The following SV2B variants were observed in gnomAD, a reference collection of about 807,000 sequenced individuals.
SV2B encodes synaptic vesicle glycoprotein 2B, also known as solute carrier family 22 member B2.
In SV2B, 41 loss-of-function variants were observed where a neutral mutation model predicts 73.9. That is an observed-to-expected ratio of 0.56 (90% CI 0.43 to 0.72). SV2B has a LOEUF of 0.72. Among genes scored for constraint, SV2B ranks in the 30% least tolerant of loss-of-function variants. The pLI, the probability that SV2B is intolerant of heterozygous loss-of-function variation, is 0.00. For synonymous variants in SV2B, 314 were observed against 314.2 expected (o/e 1.00, Z 0.01); for missense variants, 764 against 857.8 (o/e 0.89, Z 1.37).
At chr15:91,126,436 T>C (rs2042483951) in intron 1 of SV2B, among the ~76,000 whole-genome samples, 1 of 152,220 alleles carries the variant, frequency 6.6e-6, no homozygotes, top group African/African-American at 2.4e-5. Context: ...CATCTGGAGA[T>C]AATAGTGGGA....
rs536478970 is a variant in SV2B at position 91,141,263 on chromosome 15, C to G, written c.-392+40900C>G. ...ATGTACAGCTTGAGTTGGGAACTGCCGATGCTGAGTTAGAGCTATTCTAGC... is the reference window on the plus strand; with the variant it reads ...ATGTACAGCTTGAGTTGGGAACTGCGGATGCTGAGTTAGAGCTATTCTAGC... On this transcript the variant is annotated intron_variant, in intron 1 of 12. Transcript: ENST00000394232. This position sits in a 1 kb window ranked among gnomAD's most constrained non-coding sequence, Gnocchi z 4.6. Among the ~76,000 whole-genome samples, 3 of 152,118 alleles carry G rather than the reference C, an allele frequency of 2.0e-5. No homozygotes were observed. The highest frequency in any genetic ancestry group is 4.4e-5 in the Non-Finnish European group (3 of 68,030).
At chr15:91,185,366 G>A (rs1347211502) in intron 1 of SV2B, among the ~76,000 whole-genome samples, 1 of 152,220 alleles carries the variant, frequency 6.6e-6, no homozygotes, top group East Asian at 1.9e-4. Flanking sequence ...TTTGCATGTA[G>A]TTATTTTGAC....
At chr15:91,160,714 C>G (rs888819750) in intron 1 of SV2B, among the ~76,000 whole-genome samples, 1 of 151,898 alleles carries the variant, frequency 6.6e-6, no homozygotes, top group Non-Finnish European at 1.5e-5. Flanking sequence ...AAAATAGATC[C>G]AAGGATAAAT....
In SV2B at chr15:91,122,781, A is replaced by G. The variant is rs939352644; in HGVS notation, c.-392+22418A>G. Among the ~76,000 whole-genome samples, 1 of 152,190 alleles carries G rather than the reference A, an allele frequency of 6.6e-6. No individual in the cohort carries two copies. The highest frequency in any genetic ancestry group is 2.4e-5 in the African/African-American group (1 of 41,436). On this transcript the variant is annotated intron_variant, in intron 1 of 12. Coordinates refer to ENST00000394232, the MANE Select transcript of SV2B (RefSeq NM_001323032.3). This position sits in a 1 kb window ranked among gnomAD's most constrained non-coding sequence, Gnocchi z 4.3. The stretch of plus-strand genomic sequence containing the variant: ...AGAGAGACAAACACTGCCTGATCTC[A>G]CTGATAAACGGAATCTAAAAAAGTT...
rs1596804612 is a variant in SV2B at position 91,290,192 on chromosome 15, A to G, written c.1868+512A>G. Among the ~76,000 whole-genome samples, 2 of 152,328 alleles carry G rather than the reference A, an allele frequency of 1.3e-5. No homozygotes were observed. The highest frequency in any genetic ancestry group is 1.9e-4 in the East Asian group (1 of 5,184). ...TGTTTAAAGGCATAGGATCAAGGCC[A>G]TTACTTAGTAATTGTTTTTCTTCGT... On this transcript the variant is annotated intron_variant, in intron 12 of 12. Coordinates refer to ENST00000394232, the MANE Select transcript of SV2B (RefSeq NM_001323032.3). The surrounding 1 kb of genome is among the most constrained non-coding windows in gnomAD (Gnocchi z 4.7).
chr15:91,134,957 C>G (rs2042773075), intron 1 of SV2B, among the ~76,000 whole-genome samples: 1 of 151,680 alleles, frequency 6.6e-6, no homozygotes, highest in African/African-American at 2.4e-5. Flanking sequence ...CTTTTCTGCT[C>G]AGATGTTTCT....
intron 6 of SV2B, among the ~76,000 whole-genome samples, chr15:91,263,794 A>G (rs1054761075): frequency 9.2e-5 from 14 of 152,200 alleles, no homozygotes; most frequent in African/African-American, 3.4e-4. Flanking sequence ...ATTACATCGC[A>G]GAGTGCAGCC....
chr15:91,168,331 A>AGAGAG (rs58086579), intron 1 of SV2B, among the ~76,000 whole-genome samples: 3 of 151,028 alleles, frequency 2.0e-5, no homozygotes, highest in African/African-American at 2.4e-5. Flanking sequence ...AGAGAGAGAG[A>AGAGAG]AAAGAAATTT....
chr15:91,188,394 A>G (rs1223865120), intron 1 of SV2B, among the ~76,000 whole-genome samples: 1 of 151,736 alleles, frequency 6.6e-6, no homozygotes, highest in African/African-American at 2.4e-5. Context: ...GCTCACTGCA[A>G]GCTCCACTTC....
Position 91,268,696 on chromosome 15 carries a change from A to G in SV2B, c.1373+91A>G. The G allele has an allele frequency of 6.7e-7, 1 of 1,503,596 alleles. No individual in the cohort carries two copies. Among genetic ancestry groups the G allele is most frequent in the Admixed American group, 2.0e-5 (1 of 50,620 alleles). 93.1% of individuals were successfully genotyped at this position (1,503,596 alleles called of 1,614,324 possible). A position where few individuals can be genotyped will look rare whatever the true frequency, so the allele number is the denominator to read the frequency against. On this transcript the variant is annotated intron_variant, in intron 9 of 12. Coordinates refer to ENST00000394232, the MANE Select transcript of SV2B (RefSeq NM_001323032.3). The surrounding 1 kb of genome is among the most constrained non-coding windows in gnomAD (Gnocchi z 4.4). ...GAGCCGGAGGGAAGATAAGAATCAAATATGGCCGGGAATGAGCGCCAAGGC... is the reference window on the plus strand; with the variant it reads ...GAGCCGGAGGGAAGATAAGAATCAAGTATGGCCGGGAATGAGCGCCAAGGC...
rs557287761 is a variant in SV2B at position 91,163,718 on chromosome 15, G to T, written c.-391-62155G>T. Among the ~76,000 whole-genome samples the T allele has an allele frequency of 1.2e-3, 179 of 152,292 alleles. 1 individual carries two copies. Among genetic ancestry groups the T allele is most frequent in the African/African-American group, 4.1e-3 (171 of 41,568 alleles). On this transcript the variant is annotated intron_variant, in intron 1 of 12. Transcript: ENST00000394232. ...TTTTCTCCCATTCTGAAGGTTGCCT[G>T]TTCACTCTGATGGTAGTTTCTTTTG...
chr15:91,216,620 G>A (rs2046035580), intron 1 of SV2B, among the ~76,000 whole-genome samples: 1 of 151,746 alleles, frequency 6.6e-6, no homozygotes, highest in South Asian at 2.1e-4. Context: ...CTACAGGCAT[G>A]TGCCACCACG....
At chr15:91,120,445 C>T (rs537255909) in intron 1 of SV2B, among the ~76,000 whole-genome samples, 1 of 152,308 alleles carries the variant, frequency 6.6e-6, no homozygotes, top group East Asian at 1.9e-4. Context: ...AATTATAATT[C>T]AACATGAGAT....
rs1459600323 is a variant in SV2B, at chr15:91,283,372, CGTGGCCCTCAGT to C, written c.1508-646_1508-635del. 6.6e-6 allele frequency among the ~76,000 whole-genome samples: 1 copy of C among 152,176 alleles called. No homozygotes were observed. The highest frequency in any genetic ancestry group is 1.5e-5 in the Non-Finnish European group (1 of 68,032). On this transcript the variant is annotated intron_variant, in intron 10 of 12. Transcript: ENST00000394232. This position sits in a 1 kb window ranked among gnomAD's most constrained non-coding sequence, Gnocchi z 4.3. Reference sequence around the variant, plus strand: ...AGCCTCCAAGGAGAGGCCTAGCTGCCGTGGCCCTCAGTGTCTCAGTGTCACCTGATTGGTACA... The same window carrying C: ...AGCCTCCAAGGAGAGGCCTAGCTGCCGTCTCAGTGTCACCTGATTGGTACA...
rs1439918502 is a variant in SV2B at position 91,272,080 on chromosome 15, G to A, written c.1373+3475G>A. Among the ~76,000 whole-genome samples the A allele has an allele frequency of 1.3e-5, 2 of 152,190 alleles. 1 individual carries two copies. The highest frequency in any genetic ancestry group is 2.9e-5 in the Non-Finnish European group (2 of 68,024). On this transcript the variant is annotated intron_variant, in intron 9 of 12. Transcript: ENST00000394232. ...TCTTTGCCCCCAAGAAGAAACAAAA[G>A]TGCCAAGGTTAGTTTTGGTCTGCTC...
intron 4 of SV2B, among the ~76,000 whole-genome samples, chr15:91,255,474 G>A (rs2047652425): frequency 6.6e-6 from 1 of 152,140 alleles, no homozygotes; most frequent in Non-Finnish European, 1.5e-5. Flanking sequence ...TCGGGGAAAG[G>A]GTGGGAAGGG....
At position 91,301,450 on chromosome 15, in the gene SV2B, C is replaced by G. The variant is rs2049441823; in HGVS notation, c.*8898C>G. ...CTTTGGTATATTAAAATAGTAGTAA[C>G]AGTTGATCTGGTGATTGGTGAATAC... On this transcript the variant is annotated 3_prime_UTR_variant, in exon 13 of 13. Transcript: ENST00000394232. This position sits in a 1 kb window ranked among gnomAD's most constrained non-coding sequence, Gnocchi z 4.3. 6.6e-6 allele frequency: 1 copy of G among 152,180 alleles called. No homozygotes were observed. The highest frequency in any genetic ancestry group is 1.5e-5 in the Non-Finnish European group (1 of 68,040). 9.4% of individuals were successfully genotyped at this position (152,180 alleles called of 1,614,324 possible).
In SV2B at chr15:91,188,003, A is replaced by T. The variant is rs143495360; in HGVS notation, c.-391-37870A>T. Among the ~76,000 whole-genome samples the T allele has an allele frequency of 7.8e-3, 1,182 of 152,066 alleles. 14 individuals carry two copies. Among genetic ancestry groups the T allele is most frequent in the African/African-American group, 0.027 (1,126 of 41,558 alleles). ...TACTCAAAATATCCAAGTATGTATT[A>T]CTAAGAAATTTGGTACTAAAAGCCA... On this transcript the variant is annotated intron_variant, in intron 1 of 12. Coordinates refer to ENST00000394232, the MANE Select transcript of SV2B (RefSeq NM_001323032.3).
chr15:91,283,872 C>CCACATATTACCTTGACGACATGGA lies in SV2B; in HGVS notation c.1508-133_1508-132insGACATGGACACATATTACCTTGAC. On this transcript the variant is annotated intron_variant, in intron 10 of 12. Coordinates refer to ENST00000394232, the MANE Select transcript of SV2B (RefSeq NM_001323032.3). This position sits in a 1 kb window ranked among gnomAD's most constrained non-coding sequence, Gnocchi z 4.3. ...CCTCATCCATACCTTGATGACATGG[C>CCACATATTACCTTGACGACATGGA]CACATATTACCTTGACTTTGAGGCT... 3 of 777,186 alleles carry CCACATATTACCTTGACGACATGGA rather than the reference C, an allele frequency of 3.9e-6. No homozygotes were observed. The highest frequency in any genetic ancestry group is 1.6e-5 in the South Asian group (1 of 61,148). 48.1% of individuals were successfully genotyped at this position (777,186 alleles called of 1,614,324 possible). A position where few individuals can be genotyped will look rare whatever the true frequency, so the allele number is the denominator to read the frequency against.
Sources: allele counts gnomAD v4.1 joint callset (sites outside exome capture counted in the v4.1 genomes callset), GRCh38; gene constraint gnomAD v4.1.1; non-coding constraint Gnocchi (gnomAD v3.1); transcripts MANE v1.5; gene names NCBI Gene and HGNC (gene_info 2026-07-23, HGNC 2026-07-21).